ZFP91: variants seen among roughly 807,000 people sequenced by gnomAD.
ZFP91 encodes the protein E3 ubiquitin-protein ligase ZFP91.
In ZFP91, 7 loss-of-function variants were observed where a neutral mutation model predicts 63.5. That is an observed-to-expected ratio of 0.11 (90% CI 0.06 to 0.21). The LOEUF (loss-of-function observed/expected upper bound fraction) is 0.21. ZFP91 is among the 10% of genes least tolerant of loss of function. The pLI, the probability that ZFP91 is intolerant of heterozygous loss-of-function variation, is 1.00. For synonymous variants in ZFP91, 330 were observed against 272.1 expected (o/e 1.21, Z -2.10); for missense variants, 628 against 736.6 (o/e 0.85, Z 1.71).
intron 2 of ZFP91, among the ~76,000 whole-genome samples, chr11:58,602,654 G>A (rs767322780): frequency 1.1e-4 from 17 of 152,152 alleles, no homozygotes; most frequent in Non-Finnish European, 2.1e-4. Context: ...TCTTAACTCA[G>A]GTACCTGTGA....
rs2134426827 is a variant in ZFP91, at chr11:58,617,380, G to A, written c.1387G>A (p.Ala463Thr). ...TGAGGTGCTGATTGCAGAAGCTCTGGCTGCCAATGCAGGCGCCCTCATCAC... is the reference window on the plus strand; with the variant it reads ...TGAGGTGCTGATTGCAGAAGCTCTGACTGCCAATGCAGGCGCCCTCATCAC... ...HPEVLIAEAL[A>T]ANAGALITST... The change falls in exon 11 of 11, where the codon GCT becomes ACT. Residue 463 changes from alanine (A) to threonine (T), a missense_variant. This residue lies in a region of ZFP91 where 76 missense variants were observed against 230.9 expected (regional missense o/e 0.33). Transcript: ENST00000316059. The surrounding 1 kb of genome is among the most constrained non-coding windows in gnomAD (Gnocchi z 4.2). The A allele has an allele frequency of 1.9e-6, 3 of 1,613,722 alleles. No homozygotes were observed. The East Asian group carries it at 6.7e-5, about 36-fold the overall frequency.
chr11:58,613,057 C>T (rs1299406570), intron 8 of ZFP91, among the ~76,000 whole-genome samples: 1 of 152,170 alleles, frequency 6.6e-6, no homozygotes, highest in Non-Finnish European at 1.5e-5. Flanking sequence ...TCCTACTGTT[C>T]AAGGTCATCA....
At chr11:58,582,699 T>G (rs1855139115) in intron 1 of ZFP91, among the ~76,000 whole-genome samples, 1 of 152,198 alleles carries the variant, frequency 6.6e-6, no homozygotes, top group South Asian at 2.1e-4. Context: ...ACTTAACCTC[T>G]TCATTTATAA....
chr11:58,611,148 G>T lies in ZFP91; in HGVS notation c.722+94G>T. On this transcript the variant is annotated intron_variant, in intron 5 of 10. Transcript: ENST00000316059. ...ATTTTATCTGTTGCCAAGCTAATGG[G>T]TATAGAATTAATTTTAAATGAGTAA... The T allele has an allele frequency of 2.9e-6, 3 of 1,038,104 alleles. 1 individual carries two copies. Among genetic ancestry groups the T allele is most frequent in the South Asian group, 1.6e-5 (1 of 61,756 alleles). The allele number at this position is 1,038,104 out of a possible 1,614,324, so 64.3% of individuals were successfully genotyped here. A position where few individuals can be genotyped will look rare whatever the true frequency, so the allele number is the denominator to read the frequency against.
intron 2 of ZFP91, among the ~76,000 whole-genome samples, chr11:58,606,755 A>T (rs1253082828): frequency 2.6e-5 from 4 of 152,028 alleles, no homozygotes; most frequent in Non-Finnish European, 4.4e-5. Context: ...GCTTATATTC[A>T]TCAAGTGATT....
chr11:58,611,032 A>G lies in ZFP91; in HGVS notation c.700A>G (p.Thr234Ala). 1 of 1,613,272 alleles carries G rather than the reference A, an allele frequency of 6.2e-7. No homozygotes were observed. The highest frequency in any genetic ancestry group is 8.5e-7 in the Non-Finnish European group (1 of 1,179,646). Reference protein sequence around the residue: ...IPFKDDPRDETYKPHLERETP... With the variant: ...IPFKDDPRDEAYKPHLERETP... ...ATTCAAAGATGATCCAAGAGATGAG[A>G]CCTACAAACCCCACTTAGAAAGGCA... The change falls in exon 5 of 11, where the codon ACC becomes GCC. Residue 234 changes from threonine to alanine, a missense_variant. Transcript: ENST00000316059.
chr11:58,579,540 A>C lies in ZFP91; in HGVS notation c.259A>C (p.Arg87=). The change falls in exon 1 of 11, where the codon AGG becomes CGG. Residue 87 remains arginine, a synonymous_variant. Transcript: ENST00000316059. ...PRRRRSSPSA[R]PPDVPGQQPQ... ...CCGGCGGAGGAGCAGCCCCAGCGCC[A>C]GGCCTCCCGACGTCCCCGGGCAGCA... 1 of 1,580,304 alleles carries C rather than the reference A, an allele frequency of 6.3e-7. No homozygotes were observed. The highest frequency in any genetic ancestry group is 1.8e-5 in the Admixed American group (1 of 56,640).
chr11:58,597,920 G>A (rs192703335), intron 2 of ZFP91, among the ~76,000 whole-genome samples: 1 of 152,148 alleles, frequency 6.6e-6, no homozygotes, highest in East Asian at 1.9e-4. Context: ...ACTCTTATGG[G>A]TCCCGTAGTG....
rs530045042 is a variant in ZFP91 at position 58,579,439 on chromosome 11, G to C, written c.158G>C (p.Gly53Ala). The C allele has an allele frequency of 4.0e-4, 586 of 1,451,108 alleles. 3 individuals carry two copies. The African/African-American group carries it at 7.8e-3, about 19-fold the overall frequency. The allele number at this position is 1,451,108 out of a possible 1,614,324, so 89.9% of individuals were successfully genotyped here. ...ACTAGCAGCCGCGTGCTGAGGGGAG[G>C]TCGGGACCGAGGCCGGGCCGCTGCG... ...GTTSSRVLRG[G>A]RDRGRAAAAA... Residue 53 changes from glycine (G) to alanine (A), a missense_variant, in exon 1 of 11, where the codon GGT (glycine) becomes GCT (alanine). Around this residue, in one of 3 missense-constraint regions of ZFP91, gnomAD observed 437 missense variants for 380.3 expected, o/e 1.15. Coordinates refer to ENST00000316059, the MANE Select transcript of ZFP91 (RefSeq NM_053023.5).
chr11:58,584,751 C>A, intron 1 of ZFP91, 105 bp from the exon 2 acceptor site: 2 of 1,029,922 alleles, frequency 1.9e-6, no homozygotes, highest in Non-Finnish European at 2.7e-6. Context: ...CAACACTAGT[C>A]TAGATGCTTT....
rs1241452225 is a variant in ZFP91, at chr11:58,620,835, C to A, written c.*3129C>A. On this transcript the variant is annotated 3_prime_UTR_variant, in exon 11 of 11. Coordinates refer to ENST00000316059, the MANE Select transcript of ZFP91 (RefSeq NM_053023.5). ...TTTAAAATATTTTATTTCTTAAAAG[C>A]CTTTTTTGCCTGTTGTAATGTGCAG... 1 of 152,496 alleles carries A rather than the reference C, an allele frequency of 6.6e-6. No individual in the cohort carries two copies. Among genetic ancestry groups the A allele is most frequent in the Non-Finnish European group, 1.5e-5 (1 of 68,004 alleles). 9.4% of individuals were successfully genotyped at this position (152,496 alleles called of 1,614,324 possible). A position where few individuals can be genotyped will look rare whatever the true frequency, so the allele number is the denominator to read the frequency against.
In ZFP91 at chr11:58,620,581, G is replaced by A. The variant is rs1855832930; in HGVS notation, c.*2875G>A. 1 of 152,608 alleles carries A rather than the reference G, an allele frequency of 6.6e-6. No homozygotes were observed. Among genetic ancestry groups the A allele is most frequent in the Admixed American group, 6.5e-5 (1 of 15,270 alleles). 9.5% of individuals were successfully genotyped at this position (152,608 alleles called of 1,614,324 possible). On this transcript the variant is annotated 3_prime_UTR_variant, in exon 11 of 11. Transcript: ENST00000316059. ...GAGAATTTAGGCAAACACTGGCCAT[G>A]GCCGTGGGAGTACTGGGAGTAAAAT...
At chr11:58,592,797 A>C (rs1411626392) in intron 2 of ZFP91, among the ~76,000 whole-genome samples, 1 of 152,174 alleles carries the variant, frequency 6.6e-6, no homozygotes, top group Non-Finnish European at 1.5e-5. Flanking sequence ...GGAATATGTG[A>C]GACTGAATGA....
chr11:58,591,567 T>G (rs1023525136), intron 2 of ZFP91, among the ~76,000 whole-genome samples: 1 of 152,198 alleles, frequency 6.6e-6, no homozygotes. Context: ...ACCCTAATAA[T>G]GTCCTTCATG....
In ZFP91 at chr11:58,617,161, G is replaced by T; in HGVS notation, c.1203-35G>T. The stretch of plus-strand genomic sequence containing the variant: ...GAATAAGAGCACTCTTTATTTCTCT[G>T]TTGGATCAGCCATTTCCTTTTCTCC... On this transcript the variant is annotated intron_variant, in intron 10 of 10. Transcript: ENST00000316059. This position sits in a 1 kb window ranked among gnomAD's most constrained non-coding sequence, Gnocchi z 4.2. The T allele has an allele frequency of 6.5e-7, 1 of 1,534,812 alleles. No individual in the cohort carries two copies. Among genetic ancestry groups the T allele is most frequent in the Non-Finnish European group, 8.7e-7 (1 of 1,145,940 alleles).
rs17152762 is a variant in ZFP91 at position 58,595,913 on chromosome 11, C to T, written c.370+11029C>T. Among the ~76,000 whole-genome samples the T allele has an allele frequency of 7.2e-3, 1,090 of 152,136 alleles. 11 individuals carry two copies. Among genetic ancestry groups the T allele is most frequent in the Middle Eastern group, 0.024 (7 of 294 alleles). On this transcript the variant is annotated intron_variant, in intron 2 of 10. Transcript: ENST00000316059. ...TTATTGTCTCAACTCATAGTATAAACCACTCTTACTTCATACCTTCTTTCA... is the reference window on the plus strand; with the variant it reads ...TTATTGTCTCAACTCATAGTATAAATCACTCTTACTTCATACCTTCTTTCA...
chr11:58,588,191 A>G (rs944199182), intron 2 of ZFP91, among the ~76,000 whole-genome samples: 3 of 152,174 alleles, frequency 2.0e-5, no homozygotes, highest in Non-Finnish European at 4.4e-5. Context: ...CTTTTATTCA[A>G]AATCATTTTA....
intron 2 of ZFP91, among the ~76,000 whole-genome samples, chr11:58,600,897 A>G (rs1717232971): frequency 6.6e-6 from 1 of 152,182 alleles, no homozygotes; most frequent in Admixed American, 6.5e-5. Flanking sequence ...TCTTTTTTCT[A>G]CATCAATTGA....
In ZFP91 at chr11:58,579,483, G is replaced by C. The variant is rs751311460; in HGVS notation, c.202G>C (p.Val68Leu). 6 of 1,510,380 alleles carry C rather than the reference G, an allele frequency of 4.0e-6. No homozygotes were observed. The South Asian group carries it at 4.9e-5, about 12-fold the overall frequency. The allele number at this position is 1,510,380 out of a possible 1,614,324, so 93.6% of individuals were successfully genotyped here. A position where few individuals can be genotyped will look rare whatever the true frequency, so the allele number is the denominator to read the frequency against. The change falls in exon 1 of 11, where the codon GTG becomes CTG. Residue 68 changes from valine (V) to leucine (L), a missense_variant. Coordinates refer to ENST00000316059, the MANE Select transcript of ZFP91 (RefSeq NM_053023.5). ...CGCTGCGGCCGCCGCCGCCGCAGCT[G>C]TGTCCCGCCGGAGGAAGGCCGAGTA... ...RAAAAAAAAA[V>L]SRRRKAEYPR...
Sources: allele counts gnomAD v4.1 joint callset (sites outside exome capture counted in the v4.1 genomes callset), GRCh38; gene constraint gnomAD v4.1.1; regional missense constraint gnomAD v4.1.1; non-coding constraint Gnocchi (gnomAD v3.1); transcripts MANE v1.5; gene names NCBI Gene and HGNC (gene_info 2026-07-23, HGNC 2026-07-21).